The following CEACAM21 variants were observed in gnomAD, a reference collection of about 807,000 sequenced individuals.
The protein encoded by CEACAM21 is CEA cell adhesion molecule 21.
Under a neutral mutation model 33.2 loss-of-function variants are expected in CEACAM21, and 38 were observed. The observed-to-expected ratio is 1.14, with a 90% CI of 0.88 to 1.50. CEACAM21 has a LOEUF of 1.50. Ranked by LOEUF, CEACAM21 falls within the 40% of genes most tolerant of loss-of-function variation. The pLI is 0.00. For synonymous variants in CEACAM21, 156 were observed against 143.0 expected (o/e 1.09, Z -0.65); for missense variants, 385 against 364.6 (o/e 1.06, Z -0.46).
intron 1 of CEACAM21, 67 bp from the exon 2 acceptor site, chr19:41,577,133 C>G (rs1172628971): frequency 1.3e-6 from 2 of 1,594,460 alleles, no homozygotes; most frequent in Non-Finnish European, 1.7e-6. Flanking sequence ...AGACCTGCAC[C>G]CAGGACCCCG....
chr19:41,571,194 C>T (rs1191428195), upstream of CEACAM21, among the ~76,000 whole-genome samples: 1 of 152,212 alleles, frequency 6.6e-6, no homozygotes, highest in East Asian at 1.9e-4. Context: ...CACTGATCCA[C>T]ACTAATCTCT....
At chr19:41,563,576 T>A (rs1227222763) in intron 1 of CEACAM21, among the ~76,000 whole-genome samples, 1 of 152,158 alleles carries the variant, frequency 6.6e-6, no homozygotes, top group African/African-American at 2.4e-5. Flanking sequence ...TCAGAGAGGA[T>A]CCCCTAGTGG....
At chr19:41,579,752 G>T (rs2043235952) in intron 3 of CEACAM21, 124 bp downstream of exon 3, 1 of 710,166 alleles carries the variant, frequency 1.4e-6, no homozygotes, top group Non-Finnish European at 2.3e-6. Context: ...AGCAATGTGG[G>T]TAAGAACTCA....
intron 1 of CEACAM21, among the ~76,000 whole-genome samples, chr19:41,563,214 CT>C (rs1253341236): frequency 6.6e-6 from 1 of 152,088 alleles, no homozygotes. Flanking sequence ...TGGTTCTGTT[CT>C]TTCTTAAGGT....
intron 1 of CEACAM21, among the ~76,000 whole-genome samples, chr19:41,556,544 A>G (rs1455152165): frequency 6.6e-6 from 1 of 152,236 alleles, no homozygotes; most frequent in African/African-American, 2.4e-5. Flanking sequence ...ATCTCTTATA[A>G]TCAGATTTTA....
upstream of CEACAM21, among the ~76,000 whole-genome samples, chr19:41,574,842 AC>A (rs34965751): frequency 6.6e-6 from 1 of 152,170 alleles, no homozygotes; most frequent in Non-Finnish European, 1.5e-5. Context: ...TCCTATATGT[AC>A]CCCCAAAGAA....
At chr19:41,569,439 A>G (rs868933013) in intron 2 of CEACAM21, among the ~76,000 whole-genome samples, 1 of 151,942 alleles carries the variant, frequency 6.6e-6, no homozygotes. Flanking sequence ...ATAGTCTTGA[A>G]CCCCTGGGCT....
intron 1 of CEACAM21, 118 bp downstream of exon 1, chr19:41,576,456 G>A: frequency 8.6e-7 from 1 of 1,161,352 alleles, no homozygotes; most frequent in Non-Finnish European, 1.2e-6. Flanking sequence ...AGACTCAGGG[G>A]AGAGAGCGTC....
intron 1 of CEACAM21, among the ~76,000 whole-genome samples, chr19:41,558,305 C>T (rs782313171): frequency 6.6e-6 from 1 of 152,134 alleles, no homozygotes; most frequent in African/African-American, 2.4e-5. Flanking sequence ...ATTTTAAAAA[C>T]ATTTGACTAT....
intron 1 of CEACAM21, chr19:41,555,581 G>A (rs1164971700): frequency 6.6e-6 from 1 of 151,844 alleles, no homozygotes; most frequent in Non-Finnish European, 1.5e-5. Flanking sequence ...CTAGATCTTT[G>A]AAAATCAAAA....
rs782297636 is a variant in CEACAM21 at position 41,585,478 on chromosome 19, C to T, written c.833C>T (p.Pro278Leu). ...CAGAGTGACTTCAGGGAGCAGCAGC[C>T]CCCAGCCTCCACCCCCGGTGAGTGT... Reference protein sequence around the residue: ...SDQSDFREQQPPASTPGHGPS... With the variant: ...SDQSDFREQQLPASTPGHGPS... The change falls in exon 5 of 7, where the codon CCC becomes CTC. Residue 278 changes from proline to leucine, a missense_variant. Pro to Leu is a moderately conservative substitution (Grantham distance 98). Transcript: ENST00000401445. The T allele has an allele frequency of 1.4e-5, 22 of 1,613,712 alleles. No individual in the cohort carries two copies. The highest frequency in any genetic ancestry group is 8.3e-5 in the Admixed American group (5 of 59,984).
chr19:41,571,739 C>T (rs2042626469), upstream of CEACAM21, among the ~76,000 whole-genome samples: 2 of 152,222 alleles, frequency 1.3e-5, no homozygotes, highest in Middle Eastern at 3.2e-3. Flanking sequence ...CTCCTGGCCC[C>T]TGGGAGCTGG....
At chr19:41,563,504 G>A (rs1283103296) in intron 1 of CEACAM21, among the ~76,000 whole-genome samples, 2 of 152,248 alleles carry the variant, frequency 1.3e-5, no homozygotes, top group Non-Finnish European at 2.9e-5. Flanking sequence ...CACTAGGCAT[G>A]CGCAAGGTCG....
intron 1 of CEACAM21, 117 bp downstream of exon 1, chr19:41,576,455 G>A: frequency 1.7e-6 from 2 of 1,162,794 alleles, no homozygotes; most frequent in South Asian, 3.2e-5. Context: ...GAGACTCAGG[G>A]GAGAGAGCGT....
chr19:41,574,011 G>T (rs1483131438), upstream of CEACAM21, among the ~76,000 whole-genome samples: 1 of 152,176 alleles, frequency 6.6e-6, no homozygotes, highest in African/African-American at 2.4e-5. Flanking sequence ...AGAGATCAAT[G>T]GAATAGAATC....
upstream of CEACAM21, among the ~76,000 whole-genome samples, chr19:41,574,816 G>T (rs1052840729): frequency 4.6e-5 from 7 of 152,120 alleles, no homozygotes; most frequent in Non-Finnish European, 7.4e-5. Context: ...ACTACCACAT[G>T]ACCCCATATT....
chr19:41,562,939 A>G (rs1284026035), intron 1 of CEACAM21, among the ~76,000 whole-genome samples: 1 of 152,272 alleles, frequency 6.6e-6, no homozygotes, highest in Admixed American at 6.5e-5. Flanking sequence ...TGTGTTAGCC[A>G]GGATGGTCTC....
intron 2 of CEACAM21, 114 bp downstream of exon 2, chr19:41,577,673 G>T: frequency 6.7e-7 from 1 of 1,499,734 alleles, no homozygotes. Context: ...CCCATGTTGG[G>T]GTTTGGGCAT....
At chr19:41,558,895 A>T (rs890281447) in intron 1 of CEACAM21, among the ~76,000 whole-genome samples, 41 of 152,234 alleles carry the variant, frequency 2.7e-4, no homozygotes, top group African/African-American at 9.9e-4. Context: ...TTAATTAAAC[A>T]AACTTTCATG....
Sources: allele counts gnomAD v4.1 joint callset (sites outside exome capture counted in the v4.1 genomes callset), GRCh38; gene constraint gnomAD v4.1.1; transcripts MANE v1.5; gene names NCBI Gene and HGNC (gene_info 2026-07-23, HGNC 2026-07-21).